Variants in TMPRSS15 observed in about 807,000 individuals in gnomAD.
TMPRSS15 encodes the protein enteropeptidase.
In TMPRSS15, 128 loss-of-function variants were observed where a neutral mutation model predicts 125.3. That is an observed-to-expected ratio of 1.02 (90% CI 0.89 to 1.18). The LOEUF (loss-of-function observed/expected upper bound fraction) is 1.18. Ranked by LOEUF, TMPRSS15 falls within the 50% of genes most tolerant of loss-of-function variation. The pLI is 0.00. For missense variants in TMPRSS15, 1,283 were observed against 1,212.7 expected, an observed-to-expected ratio of 1.06 and a Z score of -0.86; for synonymous variants, 446 against 423.2, an observed-to-expected ratio of 1.05 and a Z score of -0.66.
intron 6 of TMPRSS15, among the ~76,000 whole-genome samples, chr21:18,370,403 A>G (rs2075781201): frequency 6.6e-6 from 1 of 152,144 alleles, no homozygotes; most frequent in South Asian, 2.1e-4. Flanking sequence ...CTATTTAAGG[A>G]TATTGATCAT....
chr21:18,345,740 CAAA>C lies in TMPRSS15; in HGVS notation c.1172-1683_1172-1681del, dbSNP rs1235619873. ...TAGGCGACAGAGTGAGACTCCGTCT[CAAA>C]AAAAAAAAAAAAAAAAAAATCCACT... On this transcript the variant is annotated intron_variant, in intron 10 of 24. Coordinates refer to ENST00000284885, the MANE Select transcript of TMPRSS15 (RefSeq NM_002772.3). Among the ~76,000 whole-genome samples the C allele has an allele frequency of 4.6e-3, 71 of 15,558 alleles. 3 individuals are homozygous for C. The highest frequency in any genetic ancestry group is 7.3e-3 in the African/African-American group (45 of 6,150). The allele number at this position is 15,558 out of a possible 152,430, so 10.2% of individuals were successfully genotyped here.
At chr21:18,287,600 A>G (rs545982241) in intron 21 of TMPRSS15, among the ~76,000 whole-genome samples, 1 of 152,308 alleles carries the variant, frequency 6.6e-6, no homozygotes, top group African/African-American at 2.4e-5. Context: ...TGAGTGCACT[A>G]ATAATTATAA....
chr21:18,481,381 T>C (rs1978978265), intron 1 of TMPRSS15, among the ~76,000 whole-genome samples: 1 of 151,680 alleles, frequency 6.6e-6, no homozygotes, highest in East Asian at 1.9e-4. Flanking sequence ...GTTATAGAGG[T>C]GTTATACATA....
chr21:18,311,557 T>C lies in TMPRSS15; in HGVS notation c.2165+1388A>G, dbSNP rs114394781. Among the ~76,000 whole-genome samples, 1,258 of 152,160 alleles carry C rather than the reference T, an allele frequency of 8.3e-3. 18 individuals are homozygous for C. Among genetic ancestry groups the C allele is most frequent in the African/African-American group, 0.029 (1,207 of 41,554 alleles). ...AATGAGATATCTCTCACCCCTGTTA[T>C]AATAGCTTTTATCAAAAGAGAGGCA... On this transcript the variant is annotated intron_variant, in intron 18 of 24. Transcript: ENST00000284885.
rs547770904 is a variant in TMPRSS15, at chr21:18,347,190, C to T, written c.1172-3130G>A. 9.9e-5 allele frequency among the ~76,000 whole-genome samples: 15 copies of T among 152,092 alleles called. No homozygotes were observed. The South Asian group carries it at 3.1e-3, about 32-fold the overall frequency. ...GTAACCACTTTTTCTTTTGAATTCT[C>T]GGTGGCACTTTGTACTTCTCTGATG... is the stretch of plus-strand genomic sequence containing the variant. On this transcript the variant is annotated intron_variant, in intron 10 of 24. Coordinates refer to ENST00000284885, the MANE Select transcript of TMPRSS15 (RefSeq NM_002772.3).
chr21:18,443,493 C>T (rs1290902338), intron 1 of TMPRSS15, among the ~76,000 whole-genome samples: 3 of 152,192 alleles, frequency 2.0e-5, no homozygotes, highest in Admixed American at 6.5e-5. Context: ...TCCCCGGTCT[C>T]CCCACTGCAC....
chr21:18,450,483 T>G (rs1030171072), intron 1 of TMPRSS15, among the ~76,000 whole-genome samples: 3 of 152,172 alleles, frequency 2.0e-5, no homozygotes, highest in African/African-American at 7.2e-5. Flanking sequence ...GATTATACCA[T>G]CCCTTGACAA....
intron 13 of TMPRSS15, among the ~76,000 whole-genome samples, chr21:18,335,939 CT>C (rs5842685): frequency 0.78 from 109,664 of 140,960 alleles, 42,624 homozygotes; most frequent in Middle Eastern, 0.9. Context: ...TGTTAAATTC[CT>C]TTTTTTTTTT....
chr21:18,326,431 C>A lies in TMPRSS15; in HGVS notation c.1921+1G>T. On this transcript the variant is annotated splice_donor_variant, in intron 16 of 24. Coordinates refer to ENST00000284885, the MANE Select transcript of TMPRSS15 (RefSeq NM_002772.3). LOFTEE classifies it high-confidence loss of function. Reference sequence around the variant, plus strand: ...GCAATGTGTGATTTATGGGCTCCTACCTGGAATCCCCAAGTGATAGCCAGT... The same window carrying A: ...GCAATGTGTGATTTATGGGCTCCTAACTGGAATCCCCAAGTGATAGCCAGT... The A allele has an allele frequency of 6.2e-7, 1 of 1,614,108 alleles. No individual in the cohort carries two copies. Among genetic ancestry groups the A allele is most frequent in the Non-Finnish European group, 8.5e-7 (1 of 1,179,984 alleles).
intron 1 of TMPRSS15, among the ~76,000 whole-genome samples, chr21:18,431,221 C>T (rs776150701): frequency 2.6e-5 from 4 of 152,124 alleles, no homozygotes; most frequent in Admixed American, 1.3e-4. Context: ...TAAGAACCAG[C>T]CTAGCCCAAG....
At chr21:18,454,283 CTGA>C (rs1433861071) in intron 1 of TMPRSS15, among the ~76,000 whole-genome samples, 1 of 152,110 alleles carries the variant, frequency 6.6e-6, no homozygotes, top group Non-Finnish European at 1.5e-5. Context: ...CTTTTGTACA[CTGA>C]TGCGATGTTT....
intron 6 of TMPRSS15, among the ~76,000 whole-genome samples, chr21:18,365,632 TTC>T (rs754739488): frequency 3.6e-5 from 3 of 84,442 alleles, no homozygotes; most frequent in African/African-American, 1.5e-4. Context: ...TTCTTTCTCT[TTC>T]TCTCTCTTTT....
intron 1 of TMPRSS15, among the ~76,000 whole-genome samples, chr21:18,462,787 A>T (rs115917002): frequency 1.3e-5 from 2 of 152,036 alleles, no homozygotes; most frequent in Non-Finnish European, 2.9e-5. Flanking sequence ...AGGAAAAAAA[A>T]ATTTTAAGGG....
Position 18,325,615 on chromosome 21 carries a change from T to TA in TMPRSS15, c.1921+816_1921+817insT, listed in dbSNP as rs1569009397. On this transcript the variant is annotated intron_variant, in intron 16 of 24. Transcript: ENST00000284885. ...AATTCCATAAATATTTCTCTTCCTA[T>TA]GGAAGAGAAAGAGAGATGTAGGAAG... Among the ~76,000 whole-genome samples the TA allele has an allele frequency of 6.6e-5, 10 of 152,036 alleles. No individual in the cohort carries two copies. The South Asian group carries it at 1.9e-3, about 28-fold the overall frequency.
At chr21:18,365,848 C>T (rs1171395845) in intron 6 of TMPRSS15, among the ~76,000 whole-genome samples, 2 of 150,206 alleles carry the variant, frequency 1.3e-5, no homozygotes, top group Non-Finnish European at 3.0e-5. Flanking sequence ...GATTCTCCTG[C>T]CTCAGCCTCC....
At chr21:18,441,479 A>G (rs1673856824) in intron 1 of TMPRSS15, among the ~76,000 whole-genome samples, 1 of 149,246 alleles carries the variant, frequency 6.7e-6, no homozygotes, top group African/African-American at 2.5e-5. Context: ...GGTGGTGTGC[A>G]CCTTGTAATC....
rs2074921433 is a variant in TMPRSS15 at position 18,297,669 on chromosome 21, C to T, written c.2261+65G>A. 2.4e-6 allele frequency: 3 copies of T among 1,240,170 alleles called. No homozygotes were observed. In the South Asian group the frequency reaches 3.6e-5, roughly 15 times the overall value. 76.8% of individuals were successfully genotyped at this position (1,240,170 alleles called of 1,614,324 possible). ...TGTAATAGCATTCAAATCTGACTGG[C>T]TTCAACAATCTATCTTCTGCCATGT... On this transcript the variant is annotated intron_variant, in intron 19 of 24. Coordinates refer to ENST00000284885, the MANE Select transcript of TMPRSS15 (RefSeq NM_002772.3).
intron 6 of TMPRSS15, 64 bp downstream of exon 6, chr21:18,372,129 T>C: frequency 1.4e-6 from 2 of 1,395,364 alleles, no homozygotes; most frequent in Non-Finnish European, 2.0e-6. Flanking sequence ...TGTGTGTGTG[T>C]GTGTGTGTGT....
At chr21:18,396,036 T>G (rs2076031557) in intron 3 of TMPRSS15, among the ~76,000 whole-genome samples, 1 of 152,122 alleles carries the variant, frequency 6.6e-6, no homozygotes, top group African/African-American at 2.4e-5. Context: ...TTACTTACTC[T>G]CACGGTAAAG....
Sources: allele counts gnomAD v4.1 joint callset (sites outside exome capture counted in the v4.1 genomes callset), GRCh38; gene constraint gnomAD v4.1.1; transcripts MANE v1.5; gene names NCBI Gene and HGNC (gene_info 2026-07-23, HGNC 2026-07-21).